The following FANK1 variants were observed in gnomAD, a reference collection of about 807,000 sequenced individuals.
FANK1 encodes fibronectin type 3 and ankyrin repeat domains protein 1.
Under a neutral mutation model 45.3 loss-of-function variants are expected in FANK1, and 44 were observed. The observed-to-expected ratio is 0.97, with a 90% CI of 0.76 to 1.25. The LOEUF (loss-of-function observed/expected upper bound fraction) is 1.25. Ranked by LOEUF, FANK1 falls within the 50% of genes most tolerant of loss-of-function variation. FANK1 has a pLI of 0.00. For missense variants in FANK1, 391 were observed against 424.4 expected (o/e 0.92, Z 0.69); for synonymous variants, 149 against 152.5 (o/e 0.98, Z 0.17).
rs1020109197 is a variant in FANK1 at position 125,950,845 on chromosome 10, A to G, written c.14-29316A>G. Among the ~76,000 whole-genome samples the G allele has an allele frequency of 6.2e-3, 921 of 148,138 alleles. 23 individuals carry two copies. Among genetic ancestry groups the G allele is most frequent in the Non-Finnish European group, 5.2e-3 (351 of 66,958 alleles). ...ATTGCAAAGACTTGGAACCAACCCAAATGTCCAACAATGATAGACTGGATT... is the reference window on the plus strand; with the variant it reads ...ATTGCAAAGACTTGGAACCAACCCAGATGTCCAACAATGATAGACTGGATT... On this transcript the variant is annotated intron_variant, in intron 1 of 10. Coordinates refer to ENST00000368693, the MANE Select transcript of FANK1 (RefSeq NM_145235.5).
chr10:125,911,094 C>T lies in FANK1; in HGVS notation c.13+14439C>T, dbSNP rs1445093560. ...CTGAATCTAGGAGTATATTACTTTA[C>T]ATAGCCAAAGGGGCCTTGGGAGTAA... is the stretch of plus-strand genomic sequence containing the variant. On this transcript the variant is annotated intron_variant, in intron 1 of 10. Coordinates refer to ENST00000368693, the MANE Select transcript of FANK1 (RefSeq NM_145235.5). Among the ~76,000 whole-genome samples, 4 of 151,664 alleles carry T rather than the reference C, an allele frequency of 2.6e-5. No individual in the cohort carries two copies. The South Asian group carries it at 8.4e-4, about 32-fold the overall frequency.
chr10:125,996,502 C>A (rs1184690940), intron 4 of FANK1, 48 bp from the exon 5 acceptor site: 11 of 1,573,306 alleles, frequency 7.0e-6, no homozygotes, highest in Non-Finnish European at 9.6e-6. Flanking sequence ...TTTGACTCTG[C>A]AGTAGCTGTA....
At chr10:125,924,731 C>T (rs1463877844) in intron 1 of FANK1, among the ~76,000 whole-genome samples, 2 of 146,734 alleles carry the variant, frequency 1.4e-5, no homozygotes, top group East Asian at 2.1e-4. Flanking sequence ...CTCACTTGAG[C>T]ACAGGAGGTG....
In FANK1 at chr10:126,009,468, G is replaced by A. The variant is rs780602661; in HGVS notation, c.*30G>A. 24 of 1,608,634 alleles carry A rather than the reference G, an allele frequency of 1.5e-5. No homozygotes were observed. Among genetic ancestry groups the A allele is most frequent in the African/African-American group, 2.7e-5 (2 of 74,600 alleles). On this transcript the variant is annotated 3_prime_UTR_variant, in exon 11 of 11. Transcript: ENST00000368693. ...AGCACCACTCATCTGCGAAACGCAC[G>A]TAAAACAAAGTGAACCGTGACTGTT...
chr10:125,922,249 T>G (rs749726262), intron 1 of FANK1, among the ~76,000 whole-genome samples: 2 of 152,236 alleles, frequency 1.3e-5, no homozygotes, highest in African/African-American at 2.4e-5. Context: ...ATTCCTAGTT[T>G]AATTCTGTCG....
intron 1 of FANK1, among the ~76,000 whole-genome samples, chr10:125,949,784 C>G (rs1202771652): frequency 1.3e-5 from 2 of 149,836 alleles, no homozygotes; most frequent in Non-Finnish European, 3.0e-5. Context: ...TCATATGGAA[C>G]CAAAAAAGAG....
intron 1 of FANK1, among the ~76,000 whole-genome samples, chr10:125,951,598 C>T (rs12573823): frequency 0.3 from 45,875 of 151,972 alleles, 7,207 homozygotes; most frequent in East Asian, 0.44. Context: ...TCTTACTTCT[C>T]TTCTGTTATT....
intron 1 of FANK1, among the ~76,000 whole-genome samples, chr10:125,949,305 A>G (rs1211252820): frequency 1.3e-5 from 2 of 151,142 alleles, no homozygotes; most frequent in Admixed American, 6.6e-5. Flanking sequence ...AGGGTATTCA[A>G]TTAGGAAAAG....
At chr10:125,996,808 A>C (rs953150038) in intron 5 of FANK1, among the ~76,000 whole-genome samples, 184 bp downstream of exon 5, 1 of 152,234 alleles carries the variant, frequency 6.6e-6, no homozygotes, top group Non-Finnish European at 1.5e-5. Context: ...GTTACACAAC[A>C]TGCAGGAGAG....
At chr10:125,974,452 G>A (rs571815421) in intron 1 of FANK1, among the ~76,000 whole-genome samples, 2 of 152,298 alleles carry the variant, frequency 1.3e-5, no homozygotes, top group South Asian at 2.1e-4. Flanking sequence ...GAAGGATTGA[G>A]TTACAGGGAG....
chr10:125,981,069 T>C (rs923730989), intron 2 of FANK1, among the ~76,000 whole-genome samples: 2 of 152,228 alleles, frequency 1.3e-5, no homozygotes, highest in African/African-American at 4.8e-5. Context: ...CTTTCCTGCC[T>C]CCTCACCCAG....
rs1428248379 is a variant in FANK1 at position 125,996,705 on chromosome 10, G to A, written c.473+81G>A. The A allele has an allele frequency of 6.3e-6, 9 of 1,423,574 alleles. No individual in the cohort carries two copies. The East Asian group carries it at 1.6e-4, about 25-fold the overall frequency. 88.2% of individuals were successfully genotyped at this position (1,423,574 alleles called of 1,614,324 possible). A position where few individuals can be genotyped will look rare whatever the true frequency, so the allele number is the denominator to read the frequency against. On this transcript the variant is annotated intron_variant, in intron 5 of 10. Coordinates refer to ENST00000368693, the MANE Select transcript of FANK1 (RefSeq NM_145235.5). ...CAAAGGCTCTGGTCAGGATAAGGAT[G>A]GGAGGAAAAAGGGCCATGGAGGAAC...
At chr10:125,907,431 C>T in intron 1 of FANK1, 1 of 941,992 alleles carries the variant, frequency 1.1e-6, no homozygotes, top group Non-Finnish European at 1.3e-6. Context: ...TGGTGTTGTA[C>T]TCTGTATGAT....
chr10:126,004,600 A>G, intron 6 of FANK1: 1 of 338,374 alleles, frequency 3.0e-6, no homozygotes, highest in South Asian at 3.3e-5. Context: ...GACATTTCGT[A>G]TAAATGGAAT....
At position 126,009,214 on chromosome 10, in the gene FANK1, T is replaced by C; in HGVS notation, c.928-8T>C. On this transcript the variant is annotated splice_region_variant and splice_polypyrimidine_tract_variant and intron_variant, in intron 9 of 10. Coordinates refer to ENST00000368693, the MANE Select transcript of FANK1 (RefSeq NM_145235.5). ...AGCATGTAAAATTTTTGTTGTTTCC[T>C]GTTTCAGTTCGGCAAAGGTGTCCTA... 1 of 1,614,246 alleles carries C rather than the reference T, an allele frequency of 6.2e-7. No individual in the cohort carries two copies. Among genetic ancestry groups the C allele is most frequent in the Non-Finnish European group, 8.5e-7 (1 of 1,180,038 alleles).
chr10:125,951,531 G>C (rs1224196744), intron 1 of FANK1, among the ~76,000 whole-genome samples: 1 of 152,174 alleles, frequency 6.6e-6, no homozygotes, highest in Non-Finnish European at 1.5e-5. Flanking sequence ...GCTGACTGTA[G>C]AAATTGTTTT....
intron 1 of FANK1, among the ~76,000 whole-genome samples, chr10:125,912,844 A>G: frequency 6.6e-6 from 1 of 152,192 alleles, no homozygotes; most frequent in Non-Finnish European, 1.5e-5. Flanking sequence ...CATGTTGGCC[A>G]GGCAAGTCTC....
At chr10:125,929,531 C>T (rs1260280441) in intron 1 of FANK1, among the ~76,000 whole-genome samples, 1 of 152,148 alleles carries the variant, frequency 6.6e-6, no homozygotes, top group Admixed American at 6.5e-5. Flanking sequence ...TCTACAGCTG[C>T]ATATTTTGGG....
intron 1 of FANK1, among the ~76,000 whole-genome samples, chr10:125,935,697 T>C (rs561684742): frequency 1.3e-5 from 2 of 152,056 alleles, no homozygotes; most frequent in African/African-American, 4.8e-5. Flanking sequence ...AAAAATAACA[T>C]TTATTAACTA....
Sources: allele counts gnomAD v4.1 joint callset (sites outside exome capture counted in the v4.1 genomes callset), GRCh38; gene constraint gnomAD v4.1.1; transcripts MANE v1.5; gene names NCBI Gene and HGNC (gene_info 2026-07-23, HGNC 2026-07-21).